ZNF131: variants seen among roughly 807,000 people sequenced by gnomAD.
The protein encoded by ZNF131 is zinc finger protein 131.
In ZNF131, 7 loss-of-function variants were observed where a neutral mutation model predicts 60.0. That is an observed-to-expected ratio of 0.12 (90% CI 0.07 to 0.22). The LOEUF (loss-of-function observed/expected upper bound fraction) is 0.22, where lower values mean the gene tolerates loss of function less well. Ranked by LOEUF, ZNF131 falls within the 10% of genes least tolerant of loss-of-function variation. The pLI is 1.00. For missense variants in ZNF131, 493 were observed against 740.9 expected (o/e 0.67, Z 3.88); for synonymous variants, 257 against 253.2 (o/e 1.01, Z -0.14).
intron 5 of ZNF131, among the ~76,000 whole-genome samples, chr5:43,166,362 CTCTT>C (rs1403900938): frequency 1.5e-5 from 2 of 136,424 alleles, no homozygotes; most frequent in Non-Finnish European, 3.4e-5. Context: ...AGACAAGTGA[CTCTT>C]TTTTTTTTTT....
chr5:43,129,263 G>C (rs1744992365), intron 3 of ZNF131, among the ~76,000 whole-genome samples: 1 of 152,050 alleles, frequency 6.6e-6, no homozygotes, highest in African/African-American at 2.4e-5. Context: ...GTAGAGAAGA[G>C]ATCTCACTAC....
At chr5:43,130,785 C>T (rs761332749) in intron 3 of ZNF131, among the ~76,000 whole-genome samples, 18 of 151,640 alleles carry the variant, frequency 1.2e-4, no homozygotes, top group Non-Finnish European at 2.1e-4. Context: ...AGGCTGATCT[C>T]GAACTCCCGA....
chr5:43,139,796 C>A (rs1746569296), intron 4 of ZNF131, among the ~76,000 whole-genome samples: 1 of 152,172 alleles, frequency 6.6e-6, no homozygotes. Flanking sequence ...AAATCTAGCT[C>A]TAAGTGCACC....
At chr5:43,146,276 T>C (rs1380202714) in intron 4 of ZNF131, among the ~76,000 whole-genome samples, 2 of 152,138 alleles carry the variant, frequency 1.3e-5, no homozygotes, top group African/African-American at 2.4e-5. Context: ...TTTGCTGACA[T>C]TACATTATTG....
chr5:43,131,224 G>T (rs28697178), intron 3 of ZNF131, among the ~76,000 whole-genome samples: 9,317 of 151,890 alleles, frequency 0.061, 567 homozygotes, highest in African/African-American at 0.16. Flanking sequence ...CCAAGCTGGA[G>T]TGCAAAGGTG....
At chr5:43,139,397 T>C in intron 4 of ZNF131, 88 bp downstream of exon 4, 1 of 1,288,812 alleles carries the variant, frequency 7.8e-7, no homozygotes, top group Non-Finnish European at 1.0e-6. Flanking sequence ...TGTCATGCCA[T>C]GAAGAACAGA....
At chr5:43,173,251 C>T (rs1338469008) in intron 5 of ZNF131, 67 bp from the exon 6 acceptor site, 24 of 1,403,136 alleles carry the variant, frequency 1.7e-5, no homozygotes, top group South Asian at 3.3e-5. Context: ...AAAAAGTAAA[C>T]GTTTAAAATT....
In ZNF131 at chr5:43,175,452, C is replaced by G; in HGVS notation, c.*319C>G. ...GTAAAAGTTCTTCCTTTTCTCTTTC[C>G]CAGGTCATGTTCTTCCTCAAATTTT... On this transcript the variant is annotated 3_prime_UTR_variant, in exon 7 of 7. Coordinates refer to ENST00000682664, the MANE Select transcript of ZNF131 (RefSeq NM_001330707.2). 1.4e-6 allele frequency: 1 copy of G among 699,078 alleles called. No individual in the cohort carries two copies. Among genetic ancestry groups the G allele is most frequent in the Non-Finnish European group, 2.6e-6 (1 of 384,418 alleles). The allele number at this position is 699,078 out of a possible 1,614,324, so 43.3% of individuals were successfully genotyped here. A position where few individuals can be genotyped will look rare whatever the true frequency, so the allele number is the denominator to read the frequency against.
intron 4 of ZNF131, among the ~76,000 whole-genome samples, chr5:43,147,584 A>T (rs1328043931): frequency 2.7e-5 from 4 of 150,608 alleles, no homozygotes; most frequent in African/African-American, 9.7e-5. Flanking sequence ...CACCCGGCTA[A>T]TTTTTTTCTG....
chr5:43,143,322 C>G, intron 4 of ZNF131: 1 of 1,255,716 alleles, frequency 8.0e-7, no homozygotes. Flanking sequence ...CGCCCGGCCT[C>G]AAGCTTTTAT....
At chr5:43,155,484 A>T (rs1748845726) in intron 4 of ZNF131, among the ~76,000 whole-genome samples, 1 of 152,192 alleles carries the variant, frequency 6.6e-6, no homozygotes, top group African/African-American at 2.4e-5. Context: ...AGAAGCTCTA[A>T]TCTACAAAAG....
At chr5:43,144,305 C>T (rs565897178) in intron 4 of ZNF131, among the ~76,000 whole-genome samples, 4 of 128,122 alleles carry the variant, frequency 3.1e-5, no homozygotes, top group African/African-American at 5.9e-5. Context: ...CCTGGCTCAC[C>T]GCAACCTCCG....
Position 43,175,549 on chromosome 5 carries a change from G to A in ZNF131, c.*416G>A. 1 of 672,456 alleles carries A rather than the reference G, an allele frequency of 1.5e-6. No homozygotes were observed. Among genetic ancestry groups the A allele is most frequent in the Non-Finnish European group, 2.7e-6 (1 of 375,070 alleles). The allele number at this position is 672,456 out of a possible 1,614,324, so 41.7% of individuals were successfully genotyped here. ...GTATTCTAATGCATGTTAGAAAATTGAATAATATAGGAAACACAAGGCTGC... is the reference window on the plus strand; with the variant it reads ...GTATTCTAATGCATGTTAGAAAATTAAATAATATAGGAAACACAAGGCTGC... On this transcript the variant is annotated 3_prime_UTR_variant, in exon 7 of 7. Coordinates refer to ENST00000682664, the MANE Select transcript of ZNF131 (RefSeq NM_001330707.2).
At chr5:43,137,834 A>G (rs1746321972) in intron 3 of ZNF131, among the ~76,000 whole-genome samples, 2 of 152,242 alleles carry the variant, frequency 1.3e-5, no homozygotes, top group Admixed American at 1.3e-4. Flanking sequence ...ATATTCGTCA[A>G]CAGATTAATG....
chr5:43,132,643 T>A (rs1380903910), intron 3 of ZNF131, among the ~76,000 whole-genome samples: 1 of 151,720 alleles, frequency 6.6e-6, no homozygotes, highest in African/African-American at 2.4e-5. Context: ...CCCCAGTAGC[T>A]GGGATTACAG....
chr5:43,174,321 C>A, intron 6 of ZNF131, 126 bp from the exon 7 acceptor site: 1 of 857,356 alleles, frequency 1.2e-6, no homozygotes, highest in Non-Finnish European at 1.7e-6. Context: ...GATTCTATTG[C>A]AGGTACCATA....
chr5:43,121,881 C>T lies in ZNF131; in HGVS notation c.-15-158C>T, dbSNP rs1451613520. 2.9e-5 allele frequency: 23 copies of T among 796,682 alleles called. No homozygotes were observed. The East Asian group carries it at 5.2e-4, about 18-fold the overall frequency. The allele number at this position is 796,682 out of a possible 1,614,324, so 49.4% of individuals were successfully genotyped here. On this transcript the variant is annotated intron_variant, in intron 1 of 6. Coordinates refer to ENST00000682664, the MANE Select transcript of ZNF131 (RefSeq NM_001330707.2). ...CTCCGGTCTCAACGCTCCGGGGCCG[C>T]TCGGCTCGCCTTTCTTCCCTCGCCT...
At chr5:43,124,260 C>T (rs1030162213) in intron 3 of ZNF131, 39 of 152,172 alleles carry the variant, frequency 2.6e-4, no homozygotes, top group African/African-American at 2.4e-5. Context: ...AGTAACTCCT[C>T]CCCTACCACC....
intron 5 of ZNF131, among the ~76,000 whole-genome samples, chr5:43,171,972 T>A (rs1408228868): frequency 1.3e-5 from 2 of 152,204 alleles, no homozygotes; most frequent in Non-Finnish European, 2.9e-5. Context: ...CCCAGGCTGT[T>A]CCCGTCAAGC....
Sources: allele counts gnomAD v4.1 joint callset (sites outside exome capture counted in the v4.1 genomes callset), GRCh38; gene constraint gnomAD v4.1.1; transcripts MANE v1.5; gene names NCBI Gene and HGNC (gene_info 2026-07-23, HGNC 2026-07-21).